ANK2: variants seen among roughly 807,000 people sequenced by gnomAD.
ANK2 encodes the protein ankyrin 2.
A neutral mutation model predicts 360.5 loss-of-function variants in ANK2; 83 were observed. That is an observed-to-expected ratio of 0.23 (90% confidence interval 0.19 to 0.28). The LOEUF (loss-of-function observed/expected upper bound fraction) is 0.28. ANK2 is among the 10% of genes least tolerant of loss of function. The pLI is 1.00. For synonymous variants in ANK2, 1,740 were observed against 1,759.5 expected (o/e 0.99, Z 0.28); for missense variants, 4,201 against 4,795.7 (o/e 0.88, Z 3.66).
intron 2 of ANK2, among the ~76,000 whole-genome samples, chr4:113,016,986 A>G (rs947044413): frequency 6.6e-6 from 1 of 152,216 alleles, no homozygotes; most frequent in African/African-American, 2.4e-5. Context: ...AATTACCGCT[A>G]TCATCTACTA....
At chr4:113,081,077 A>C (rs140808734) in intron 1 of ANK2, among the ~76,000 whole-genome samples, 395 of 152,348 alleles carry the variant, frequency 2.6e-3, no homozygotes, top group African/African-American at 8.3e-3. Flanking sequence ...TATTATTCTT[A>C]TCAGACTCCA....
At chr4:113,122,962 A>G (rs2095455975) in intron 1 of ANK2, among the ~76,000 whole-genome samples, 1 of 151,314 alleles carries the variant, frequency 6.6e-6, no homozygotes, top group Admixed American at 6.6e-5. Flanking sequence ...TGACCATTGC[A>G]TGGGTGACTA....
intron 45 of ANK2, among the ~76,000 whole-genome samples, chr4:113,376,371 TAAAC>T (rs2096934520): frequency 6.6e-6 from 1 of 152,148 alleles, no homozygotes; most frequent in African/African-American, 2.4e-5. Flanking sequence ...GTACAGTAGA[TAAAC>T]AAAATAAAAG....
chr4:113,102,833 C>T (rs1156283370), intron 1 of ANK2, among the ~76,000 whole-genome samples: 1 of 152,074 alleles, frequency 6.6e-6, no homozygotes, highest in Non-Finnish European at 1.5e-5. Flanking sequence ...CTTTATTGTT[C>T]TCACCTTTTG....
At chr4:113,275,409 T>G (rs2059872104) in intron 15 of ANK2, among the ~76,000 whole-genome samples, 2 of 152,212 alleles carry the variant, frequency 1.3e-5, no homozygotes, top group African/African-American at 4.8e-5. Context: ...GAATTTGTCA[T>G]GGGGCAAAAT....
At chr4:113,380,043 TG>T (rs1047944277) in intron 45 of ANK2, among the ~76,000 whole-genome samples, 2 of 152,216 alleles carry the variant, frequency 1.3e-5, no homozygotes, top group African/African-American at 4.8e-5. Flanking sequence ...GTGCTAATTC[TG>T]TTATTTTTTG....
the ANK2 span, among the ~76,000 whole-genome samples, chr4:112,711,717 G>C: frequency 2.6e-5 from 4 of 151,852 alleles, no homozygotes; most frequent in Admixed American, 6.6e-5. Flanking sequence ...CTACTTGGGA[G>C]GCTGAGGCAG....
At chr4:113,302,901 C>CT in intron 23 of ANK2, 62 bp downstream of exon 23, 8 of 1,424,582 alleles carry the variant, frequency 5.6e-6, no homozygotes, top group African/African-American at 1.5e-5. Flanking sequence ...GCAAATTACC[C>CT]TTTTTTTCAG....
At chr4:112,840,016 A>G (rs1252107696) in intron 1 of ANK2, among the ~76,000 whole-genome samples, 1 of 152,210 alleles carries the variant, frequency 6.6e-6, no homozygotes, top group African/African-American at 2.4e-5. Flanking sequence ...TCATTTGATA[A>G]TAATTTATTA....
At chr4:112,768,913 GTTC>G in the ANK2 span, among the ~76,000 whole-genome samples, 3 of 152,094 alleles carry the variant, frequency 2.0e-5, no homozygotes, top group East Asian at 5.8e-4. Context: ...AACCATTTGG[GTTC>G]TTATTATTTC....
chr4:113,311,853 A>G (rs2080154360), intron 24 of ANK2, among the ~76,000 whole-genome samples: 1 of 152,194 alleles, frequency 6.6e-6, no homozygotes. Context: ...AAAAAGAAAT[A>G]CATTCAGAAC....
chr4:113,076,803 G>A (rs72671586), intron 1 of ANK2, among the ~76,000 whole-genome samples: 92 of 143,192 alleles, frequency 6.4e-4, no homozygotes, highest in East Asian at 6.4e-4. Context: ...CTCAAAAAAA[G>A]AAAAAAAAAA....
rs527358013 is a variant in ANK2 at position 113,024,742 on chromosome 4, G to T, written c.21+120228G>T. ...AGAGCATACAATGAATGCTATATAT[G>T]AATTATTGTTTGACGCTAGAAGATA... is the stretch of plus-strand genomic sequence containing the variant. On this transcript the variant is annotated intron_variant, in intron 2 of 30. Coordinates refer to the ANK2 transcript ENST00000503271. Among the ~76,000 whole-genome samples the T allele has an allele frequency of 2.0e-5, 3 of 152,074 alleles. No homozygotes were observed. In the South Asian group the frequency reaches 6.2e-4, roughly 31 times the overall value.
the ANK2 span, among the ~76,000 whole-genome samples, chr4:112,718,784 T>A: frequency 6.6e-6 from 1 of 152,096 alleles, no homozygotes; most frequent in African/African-American, 2.4e-5. Flanking sequence ...ATTACAGGCA[T>A]GTGCCACCAC....
intron 1 of ANK2, among the ~76,000 whole-genome samples, chr4:113,148,868 G>A (rs1165255388): frequency 6.6e-6 from 1 of 152,202 alleles, no homozygotes; most frequent in Non-Finnish European, 1.5e-5. Flanking sequence ...AATGAGGTAT[G>A]AGAAGCAAGC....
intron 42 of ANK2, among the ~76,000 whole-genome samples, chr4:113,368,504 A>C (rs576400575): frequency 4.6e-4 from 70 of 152,364 alleles, no homozygotes; most frequent in African/African-American, 1.7e-3. Context: ...AGGAAGCTGC[A>C]GGCCTAATTT....
At chr4:113,184,280 G>A (rs2098472052) in intron 2 of ANK2, among the ~76,000 whole-genome samples, 2 of 151,674 alleles carry the variant, frequency 1.3e-5, no homozygotes, top group South Asian at 2.1e-4. Context: ...GAAGTGGAGA[G>A]GGATAAGATT....
chr4:113,347,645 A>T (rs1192634273), intron 35 of ANK2, among the ~76,000 whole-genome samples: 3 of 152,122 alleles, frequency 2.0e-5, no homozygotes, highest in Non-Finnish European at 2.9e-5. Context: ...AAAATCCCAG[A>T]CATTGTACAT....
At chr4:113,223,656 T>TA (rs1402033011) in intron 4 of ANK2, among the ~76,000 whole-genome samples, 1 of 152,112 alleles carries the variant, frequency 6.6e-6, no homozygotes, top group African/African-American at 2.4e-5. Flanking sequence ...ATACAAGTTG[T>TA]AAGAGATGTG....
Sources: gnomAD v4.1 joint callset for allele counts (sites outside exome capture counted in the v4.1 genomes callset) on GRCh38, gnomAD v4.1.1 for gene constraint, MANE v1.5 for transcripts, NCBI Gene and HGNC (gene_info 2026-07-23, HGNC 2026-07-21) for gene names.